SFRP1: variants seen among roughly 807,000 people sequenced by gnomAD.
SFRP1 encodes the protein secreted frizzled-related protein 1.
SFRP1 carries 9 observed loss-of-function variants against 25.9 expected under a neutral mutation model. That is an observed-to-expected ratio of 0.35 (90% CI 0.21 to 0.61). The LOEUF (loss-of-function observed/expected upper bound fraction) is 0.61, where lower values mean the gene tolerates loss of function less well. Among genes scored for constraint, SFRP1 ranks in the 20% least tolerant of loss-of-function variants. SFRP1 has a pLI of 0.78. For missense variants in SFRP1, 346 were observed against 418.2 expected (o/e 0.83, Z 1.51); for synonymous variants, 178 against 174.0 (o/e 1.02, Z -0.18).
intron 1 of SFRP1, among the ~76,000 whole-genome samples, 178 bp downstream of exon 1, chr8:41,308,438 C>T (rs997731011): frequency 6.6e-6 from 1 of 152,226 alleles, no homozygotes; most frequent in African/African-American, 2.4e-5. Context: ...CTGAGCGATA[C>T]CTGGGACAGA....
At chr8:41,302,107 A>G (rs1008470472) in intron 2 of SFRP1, among the ~76,000 whole-genome samples, 19 of 152,242 alleles carry the variant, frequency 1.2e-4, no homozygotes, top group Admixed American at 3.3e-4. Context: ...ATCTGTATCT[A>G]TAGAACTCAG....
At chr8:41,288,759 A>G (rs1803740281) in intron 2 of SFRP1, among the ~76,000 whole-genome samples, 1 of 152,148 alleles carries the variant, frequency 6.6e-6, no homozygotes, top group Non-Finnish European at 1.5e-5. Flanking sequence ...GAGTTTTAGA[A>G]AGTAACTGCT....
intron 2 of SFRP1, among the ~76,000 whole-genome samples, chr8:41,302,299 AT>A (rs1446528968): frequency 6.6e-6 from 1 of 152,076 alleles, no homozygotes; most frequent in Non-Finnish European, 1.5e-5. Flanking sequence ...TTCATCCACA[AT>A]TGCAATACCC....
intron 2 of SFRP1, among the ~76,000 whole-genome samples, chr8:41,288,530 CAAAAAAAAAAAAAAAAAA>C (rs397893046): frequency 0.016 from 637 of 39,108 alleles, 9 homozygotes; most frequent in African/African-American, 0.051. Context: ...AGACCCTGTC[CAAAAAAAAAAAAAAAAAA>C]AAAAAAAAAA....
At chr8:41,265,899 C>T (rs1803429475) in intron 2 of SFRP1, among the ~76,000 whole-genome samples, 1 of 152,124 alleles carries the variant, frequency 6.6e-6, no homozygotes, top group Admixed American at 6.5e-5. Flanking sequence ...CCATAAAAAC[C>T]AAGGTCTGTT....
At chr8:41,279,395 G>A (rs1029504146) in intron 2 of SFRP1, among the ~76,000 whole-genome samples, 7 of 152,178 alleles carry the variant, frequency 4.6e-5, no homozygotes, top group East Asian at 1.9e-4. Flanking sequence ...GATGCACTCC[G>A]GGACACCTCT....
At chr8:41,293,325 C>T (rs771090279) in intron 2 of SFRP1, among the ~76,000 whole-genome samples, 23 of 152,252 alleles carry the variant, frequency 1.5e-4, no homozygotes, top group Non-Finnish European at 1.6e-4. Flanking sequence ...GCTCCCCCTC[C>T]CATGCCTTGA....
intron 2 of SFRP1, among the ~76,000 whole-genome samples, chr8:41,295,390 A>C (rs1054181175): frequency 6.6e-6 from 1 of 152,058 alleles, no homozygotes; most frequent in African/African-American, 2.4e-5. Context: ...TTAGCCGAGC[A>C]TGGTGGTGGG....
intron 2 of SFRP1, among the ~76,000 whole-genome samples, chr8:41,295,521 G>A: frequency 8.4e-6 from 1 of 119,076 alleles, no homozygotes; most frequent in East Asian, 2.1e-4. Context: ...AAGAGCAAGA[G>A]GCTGTCTCAA....
intron 2 of SFRP1, among the ~76,000 whole-genome samples, chr8:41,290,740 G>A (rs1404810140): frequency 3.3e-5 from 5 of 152,014 alleles, no homozygotes; most frequent in Non-Finnish European, 5.9e-5. Context: ...CATACGGGAC[G>A]CGGCTCCAGG....
rs1460650077 is a variant in SFRP1, at chr8:41,308,611, C to T, written c.544+5G>A. On this transcript the variant is annotated splice_donor_5th_base_variant and intron_variant, in intron 1 of 2. Transcript: ENST00000220772. ...GCTCGCGCACGTGGGAGGAGGCAGCCTTACCTTGGGGCTTGGAGGCTTCGG... is the reference window on the plus strand; with the variant it reads ...GCTCGCGCACGTGGGAGGAGGCAGCTTTACCTTGGGGCTTGGAGGCTTCGG... 3 of 1,581,898 alleles carry T rather than the reference C, an allele frequency of 1.9e-6. No individual in the cohort carries two copies. Among genetic ancestry groups the T allele is most frequent in the Non-Finnish European group, 2.6e-6 (3 of 1,158,876 alleles).
chr8:41,288,414 T>A (rs138046661), intron 2 of SFRP1, among the ~76,000 whole-genome samples: 92 of 151,620 alleles, frequency 6.1e-4, no homozygotes, highest in African/African-American at 2.1e-3. Flanking sequence ...GCTATGCACC[T>A]GCAGTCCCTG....
rs533485348 is a variant in SFRP1, at chr8:41,276,453, G to A, written c.623-10964C>T. ...GATAAGTCCTACTGACAATGGCCTTGCAATGGCAGCTTAACAGACCCCACT... is the reference window on the plus strand; with the variant it reads ...GATAAGTCCTACTGACAATGGCCTTACAATGGCAGCTTAACAGACCCCACT... On this transcript the variant is annotated intron_variant, in intron 2 of 2. Coordinates refer to ENST00000220772, the MANE Select transcript of SFRP1 (RefSeq NM_003012.5). Among the ~76,000 whole-genome samples the A allele has an allele frequency of 4.6e-5, 7 of 152,320 alleles. No individual in the cohort carries two copies. In the East Asian group the frequency reaches 1.4e-3, roughly 29 times the overall value.
At chr8:41,288,500 G>A (rs1001326772) in intron 2 of SFRP1, among the ~76,000 whole-genome samples, 6 of 117,136 alleles carry the variant, frequency 5.1e-5, no homozygotes, top group Middle Eastern at 9.1e-3. Context: ...TAGTGCCACC[G>A]CAGTCCAGCC....
chr8:41,298,461 C>T (rs1351048531), intron 2 of SFRP1, among the ~76,000 whole-genome samples: 2 of 152,016 alleles, frequency 1.3e-5, no homozygotes, highest in East Asian at 3.9e-4. Context: ...GGCTGGAGTA[C>T]AGTGGTGTGA....
chr8:41,293,741 T>C (rs1211161018), intron 2 of SFRP1, among the ~76,000 whole-genome samples: 1 of 152,036 alleles, frequency 6.6e-6, no homozygotes, highest in Non-Finnish European at 1.5e-5. Flanking sequence ...CACCAGATTC[T>C]TGGGGGTTTT....
At chr8:41,272,359 C>T (rs1803520031) in intron 2 of SFRP1, among the ~76,000 whole-genome samples, 1 of 152,218 alleles carries the variant, frequency 6.6e-6, no homozygotes, top group Admixed American at 6.5e-5. Context: ...AATCCCAGCA[C>T]TTTGGGAGGC....
At chr8:41,267,054 A>G (rs559152730) in intron 2 of SFRP1, among the ~76,000 whole-genome samples, 79 of 152,168 alleles carry the variant, frequency 5.2e-4, no homozygotes, top group African/African-American at 1.7e-3. Flanking sequence ...CTGCCAACTG[A>G]GAAGACCTAC....
intron 2 of SFRP1, chr8:41,298,358 T>G (rs1490194345): frequency 1.3e-5 from 2 of 152,246 alleles, no homozygotes; most frequent in African/African-American, 4.8e-5. Flanking sequence ...AGACTAGATT[T>G]GGAACATTTC....
Sources: allele counts gnomAD v4.1 joint callset (sites outside exome capture counted in the v4.1 genomes callset), GRCh38; gene constraint gnomAD v4.1.1; transcripts MANE v1.5; gene names NCBI Gene and HGNC (gene_info 2026-07-23, HGNC 2026-07-21).